FBXO34: variants seen among roughly 807,000 people sequenced by gnomAD.
The protein encoded by FBXO34 is F-box only protein 34.
In FBXO34, 12 loss-of-function variants were observed where a neutral mutation model predicts 24.5. That is an observed-to-expected ratio of 0.49 (90% CI 0.31 to 0.79). The LOEUF (loss-of-function observed/expected upper bound fraction) is 0.79. FBXO34 is among the 30% of genes least tolerant of loss of function. The pLI is 0.04. For synonymous variants in FBXO34, 320 were observed against 311.9 expected, an observed-to-expected ratio of 1.03 and a Z score of -0.27; for missense variants, 823 against 857.7, an observed-to-expected ratio of 0.96 and a Z score of 0.51.
the FBXO34 span, chr14:55,386,131 T>C: frequency 1.9e-6 from 3 of 1,560,824 alleles, no homozygotes; most frequent in South Asian, 1.2e-5. Context: ...CAATTATCTC[T>C]GCAAACAGTT....
chr14:55,362,666 G>C (rs575310272), downstream of FBXO34, among the ~76,000 whole-genome samples: 59 of 152,078 alleles, frequency 3.9e-4, no homozygotes, highest in Non-Finnish European at 6.8e-4. Context: ...TCTTTATTTT[G>C]AATGCAACTG....
chr14:55,348,406 A>T (rs986972597), intron 1 of FBXO34, among the ~76,000 whole-genome samples: 4 of 151,846 alleles, frequency 2.6e-5, no homozygotes, highest in African/African-American at 7.3e-5. Flanking sequence ...TTAAAAAAAA[A>T]TTTTTTTTAG....
chr14:55,393,341 C>T, the FBXO34 span, among the ~76,000 whole-genome samples: 89 of 151,226 alleles, frequency 5.9e-4, no homozygotes, highest in Non-Finnish European at 1.1e-3. Flanking sequence ...GCCGAGATCG[C>T]GCCACTGCAC....
chr14:55,435,123 AACTTTAT>A, the FBXO34 span, among the ~76,000 whole-genome samples: 1 of 152,238 alleles, frequency 6.6e-6, no homozygotes, highest in African/African-American at 2.4e-5. Context: ...TAGGAGCTTG[AACTTTAT>A]ACTTTAAGCA....
the FBXO34 span, among the ~76,000 whole-genome samples, chr14:55,404,846 T>C: frequency 6.6e-6 from 1 of 152,212 alleles, no homozygotes; most frequent in Admixed American, 6.5e-5. Flanking sequence ...AAGATTAGTA[T>C]AACCCAGGAG....
intron 1 of FBXO34, among the ~76,000 whole-genome samples, chr14:55,334,658 A>G (rs1333579111): frequency 6.6e-6 from 1 of 152,134 alleles, no homozygotes. Flanking sequence ...AGTAAAATTG[A>G]CAGGATCAGG....
At chr14:55,411,773 C>A in the FBXO34 span, 1 of 1,605,382 alleles carries the variant, frequency 6.2e-7, no homozygotes, top group African/African-American at 1.3e-5. Flanking sequence ...CCGGGGCCCG[C>A]AGCCAGGAGC....
the FBXO34 span, among the ~76,000 whole-genome samples, chr14:55,408,508 A>C: frequency 1.3e-5 from 2 of 152,120 alleles, no homozygotes; most frequent in African/African-American, 2.4e-5. Context: ...GTGGTGGCTC[A>C]TATCTGTAAT....
intron 1 of FBXO34, among the ~76,000 whole-genome samples, chr14:55,282,814 G>A (rs968440797): frequency 6.6e-6 from 1 of 151,502 alleles, no homozygotes; most frequent in Non-Finnish European, 1.5e-5. Context: ...ATTTGAAACT[G>A]TAGAATCATT....
At chr14:55,395,830 G>C in the FBXO34 span, 1 of 691,370 alleles carries the variant, frequency 1.4e-6, no homozygotes, top group Non-Finnish European at 2.1e-6. Flanking sequence ...GGATTAAGTA[G>C]AGGACTGCTA....
At chr14:55,382,366 G>A in the FBXO34 span, among the ~76,000 whole-genome samples, 2 of 152,042 alleles carry the variant, frequency 1.3e-5, no homozygotes, top group African/African-American at 4.8e-5. Context: ...AACATGGAGC[G>A]CAGTGACAGA....
intron 1 of FBXO34, among the ~76,000 whole-genome samples, chr14:55,327,493 T>C (rs1883377021): frequency 6.6e-6 from 1 of 152,188 alleles, no homozygotes. Flanking sequence ...TAGTTTATTC[T>C]GAATATATTT....
chr14:55,375,490 ATTTTTTTT>A, the FBXO34 span, among the ~76,000 whole-genome samples: 37 of 117,804 alleles, frequency 3.1e-4, 1 homozygote, highest in Middle Eastern at 4.5e-3. Flanking sequence ...GCCGGGCTAA[ATTTTTTTT>A]TTTTTTTTTT....
chr14:55,357,572 T>G (rs1884539952), downstream of FBXO34, among the ~76,000 whole-genome samples: 1 of 152,102 alleles, frequency 6.6e-6, no homozygotes, highest in Admixed American at 6.5e-5. Context: ...TCCGAGCACT[T>G]TAGGAGGCCA....
At chr14:55,420,550 AACTTTT>A in the FBXO34 span, among the ~76,000 whole-genome samples, 1 of 152,240 alleles carries the variant, frequency 6.6e-6, no homozygotes, top group Non-Finnish European at 1.5e-5. Flanking sequence ...GTCATGGATT[AACTTTT>A]ACTTCACAGT....
chr14:55,341,182 A>G (rs1431527264), intron 1 of FBXO34, among the ~76,000 whole-genome samples: 1 of 152,164 alleles, frequency 6.6e-6, no homozygotes, highest in Non-Finnish European at 1.5e-5. Context: ...TAAACTACTA[A>G]GAGGAAACAT....
At chr14:55,319,744 C>T (rs772470951) in intron 1 of FBXO34, among the ~76,000 whole-genome samples, 1 of 152,174 alleles carries the variant, frequency 6.6e-6, no homozygotes, top group South Asian at 2.1e-4. Flanking sequence ...GGCGCAATCT[C>T]GGCTCACTGC....
downstream of FBXO34, among the ~76,000 whole-genome samples, chr14:55,356,509 G>A (rs1884524884): frequency 6.6e-6 from 1 of 152,086 alleles, no homozygotes; most frequent in Admixed American, 6.6e-5. Context: ...GTGCGGTGGT[G>A]CGATCTCAGC....
chr14:55,304,172 T>G (rs1340078680), intron 1 of FBXO34, among the ~76,000 whole-genome samples: 1 of 152,196 alleles, frequency 6.6e-6, no homozygotes, highest in Non-Finnish European at 1.5e-5. Flanking sequence ...TGATTTTAGC[T>G]TTTACTATGG....
Sources: gnomAD v4.1 joint callset for allele counts (sites outside exome capture counted in the v4.1 genomes callset) on GRCh38, gnomAD v4.1.1 for gene constraint, MANE v1.5 for transcripts, NCBI Gene and HGNC (gene_info 2026-07-23, HGNC 2026-07-21) for gene names.